The following CHSY3 variants were observed in gnomAD, a reference collection of about 807,000 sequenced individuals.
The protein encoded by CHSY3 is chondroitin sulfate synthase 3, also known as N-acetylgalactosaminyl-proteoglycan 3-beta-glucuronosyltransferase 3.
CHSY3 carries 35 observed loss-of-function variants against 67.2 expected under a neutral mutation model. The observed-to-expected ratio is 0.52, with a 90% CI of 0.40 to 0.69. The LOEUF (loss-of-function observed/expected upper bound fraction) is 0.69, where lower values mean the gene tolerates loss of function less well. CHSY3 is among the 30% of genes least tolerant of loss of function. CHSY3 has a pLI of 0.00. For missense variants in CHSY3, 1,069 were observed against 1,138.5 expected, an observed-to-expected ratio of 0.94 and a Z score of 0.88; for synonymous variants, 474 against 434.7, an observed-to-expected ratio of 1.09 and a Z score of -1.12.
chr5:130,003,846 C>T (rs115007444), intron 2 of CHSY3, among the ~76,000 whole-genome samples: 2,424 of 152,204 alleles, frequency 0.016, 53 homozygotes, highest in African/African-American at 0.054. Flanking sequence ...GTACACAAAA[C>T]CTGTTTGTGC....
At chr5:130,027,509 A>C (rs930523068) in intron 2 of CHSY3, among the ~76,000 whole-genome samples, 11 of 152,232 alleles carry the variant, frequency 7.2e-5, no homozygotes, top group African/African-American at 2.4e-4. Flanking sequence ...TCTAGGGTAC[A>C]TGTGCACAAC....
intron 2 of CHSY3, among the ~76,000 whole-genome samples, chr5:129,970,621 G>C (rs1324078710): frequency 6.6e-6 from 1 of 151,776 alleles, no homozygotes; most frequent in Non-Finnish European, 1.5e-5. Flanking sequence ...TTTGTGGATT[G>C]GGTTGTTTTT....
intron 2 of CHSY3, among the ~76,000 whole-genome samples, chr5:130,130,202 T>G (rs1477218725): frequency 6.6e-6 from 1 of 152,140 alleles, no homozygotes; most frequent in Non-Finnish European, 1.5e-5. Context: ...TATTCCCCCT[T>G]AAGTTCTCTT....
At chr5:129,917,527 C>G (rs1166796620) in intron 2 of CHSY3, among the ~76,000 whole-genome samples, 1 of 152,206 alleles carries the variant, frequency 6.6e-6, no homozygotes, top group African/African-American at 2.4e-5. Flanking sequence ...GTGCCAACTT[C>G]ACAGAGCTGT....
At chr5:129,946,964 G>A (rs540545045) in intron 2 of CHSY3, among the ~76,000 whole-genome samples, 2 of 152,248 alleles carry the variant, frequency 1.3e-5, no homozygotes, top group Non-Finnish European at 2.9e-5. Context: ...GGATCATATG[G>A]TAGTTGTATT....
At chr5:129,962,102 T>C (rs1052801686) in intron 2 of CHSY3, among the ~76,000 whole-genome samples, 1 of 151,944 alleles carries the variant, frequency 6.6e-6, no homozygotes, top group Non-Finnish European at 1.5e-5. Flanking sequence ...TCTCAGAAAA[T>C]TTTCATTATG....
At chr5:130,181,444 C>T (rs1770240371) in intron 2 of CHSY3, among the ~76,000 whole-genome samples, 1 of 152,104 alleles carries the variant, frequency 6.6e-6, no homozygotes, top group Non-Finnish European at 1.5e-5. Flanking sequence ...GAAAATCTCT[C>T]TGATATCTTC....
At position 129,908,116 on chromosome 5, in the gene CHSY3, G is replaced by A; in HGVS notation, c.842G>A (p.Ser281Asn). 2 of 1,614,148 alleles carry A rather than the reference G, an allele frequency of 1.2e-6. No homozygotes were observed. The highest frequency in any genetic ancestry group is 1.7e-6 in the Non-Finnish European group (2 of 1,180,008). Reference protein sequence around the residue: ...LEEFLRSLNSSKPLYLGQTGL... With the variant: ...LEEFLRSLNSNKPLYLGQTGL... ...GAGTTTCTTAGATCGCTAAACAGCA[G>A]TAAGCCTCTCTACCTGGGACAGACT... The change falls in exon 2 of 3, where the codon AGT (serine) becomes AAT (asparagine). Residue 281 changes from serine to asparagine, a missense_variant. Ser to Asn is a conservative substitution (Grantham distance 46). Around this residue, in one of 5 missense-constraint regions of CHSY3, gnomAD observed 216 missense variants for 311.5 expected, o/e 0.69. Coordinates refer to ENST00000305031, the MANE Select transcript of CHSY3 (RefSeq NM_175856.5).
intron 2 of CHSY3, among the ~76,000 whole-genome samples, chr5:130,111,799 CA>C (rs1435952017): frequency 1.3e-5 from 2 of 151,858 alleles, no homozygotes; most frequent in South Asian, 2.1e-4. Flanking sequence ...AAAATGCTGA[CA>C]GAAATATGCA....
intron 2 of CHSY3, among the ~76,000 whole-genome samples, chr5:129,930,002 A>G (rs1040983096): frequency 6.6e-6 from 1 of 152,180 alleles, no homozygotes; most frequent in East Asian, 1.9e-4. Context: ...GTATACCTGA[A>G]TGAATGTATT....
chr5:130,028,680 G>A lies in CHSY3; in HGVS notation c.1086+120320G>A, dbSNP rs563226115. Among the ~76,000 whole-genome samples the A allele has an allele frequency of 2.6e-4, 39 of 151,440 alleles. No homozygotes were observed. In the South Asian group the frequency reaches 5.0e-3, roughly 20 times the overall value. On this transcript the variant is annotated intron_variant, in intron 2 of 2. Transcript: ENST00000305031. Reference sequence around the variant, plus strand: ...CCTAGTCCTGGGCTCATCTGGAGAGGGTGCTGGAAAAAATCTCTGTCTCTG... The same window carrying A: ...CCTAGTCCTGGGCTCATCTGGAGAGAGTGCTGGAAAAAATCTCTGTCTCTG...
chr5:129,916,514 TG>T (rs1383438615), intron 2 of CHSY3, among the ~76,000 whole-genome samples: 3 of 152,160 alleles, frequency 2.0e-5, no homozygotes, highest in African/African-American at 7.2e-5. Flanking sequence ...AATTAAAAAA[TG>T]GAAAAATCGG....
chr5:130,004,418 A>G (rs961011363), intron 2 of CHSY3, among the ~76,000 whole-genome samples: 2 of 152,202 alleles, frequency 1.3e-5, no homozygotes, highest in African/African-American at 2.4e-5. Context: ...TAAACCATCT[A>G]GAATTAGAAA....
chr5:130,116,062 C>CATT (rs1266931334), intron 2 of CHSY3, among the ~76,000 whole-genome samples: 1 of 152,182 alleles, frequency 6.6e-6, no homozygotes, highest in Non-Finnish European at 1.5e-5. Flanking sequence ...AACCTAAGTG[C>CATT]ATTATTGCCC....
chr5:129,912,065 A>G (rs907121394), intron 2 of CHSY3, among the ~76,000 whole-genome samples: 7 of 152,146 alleles, frequency 4.6e-5, no homozygotes, highest in African/African-American at 1.4e-4. Flanking sequence ...AGAAACAAAC[A>G]AACAACAACA....
At chr5:130,064,900 C>G (rs1765833906) in intron 2 of CHSY3, among the ~76,000 whole-genome samples, 1 of 152,200 alleles carries the variant, frequency 6.6e-6, no homozygotes, top group Non-Finnish European at 1.5e-5. Flanking sequence ...CTCTGAGGAG[C>G]TGCCTAGGGG....
At chr5:130,100,696 A>G (rs1383980855) in intron 2 of CHSY3, among the ~76,000 whole-genome samples, 2 of 152,182 alleles carry the variant, frequency 1.3e-5, no homozygotes, top group Non-Finnish European at 2.9e-5. Flanking sequence ...CTATCATTTA[A>G]TCCTTAAACT....
chr5:129,970,977 A>C (rs1762625838), intron 2 of CHSY3, among the ~76,000 whole-genome samples: 1 of 151,870 alleles, frequency 6.6e-6, no homozygotes, highest in African/African-American at 2.4e-5. Context: ...TCATAAAGCT[A>C]TGATATTAAG....
chr5:130,152,168 G>C (rs957074073), intron 2 of CHSY3, among the ~76,000 whole-genome samples: 2 of 152,134 alleles, frequency 1.3e-5, no homozygotes, highest in Non-Finnish European at 2.9e-5. Flanking sequence ...ATCTTCACAT[G>C]AAAGTTTAAA....
Sources: allele counts gnomAD v4.1 joint callset (sites outside exome capture counted in the v4.1 genomes callset), GRCh38; gene constraint gnomAD v4.1.1; regional missense constraint gnomAD v4.1.1; transcripts MANE v1.5; gene names NCBI Gene and HGNC (gene_info 2026-07-23, HGNC 2026-07-21).